The following STK3 variants were observed in gnomAD, a reference collection of about 807,000 sequenced individuals.
The protein encoded by STK3 is serine/threonine kinase 3.
Under a neutral mutation model 58.0 loss-of-function variants are expected in STK3, and 41 were observed. The ratio of observed to expected loss-of-function variants is 0.71; its 90% confidence interval spans 0.55 to 0.92. The LOEUF (loss-of-function observed/expected upper bound fraction) is 0.92. Ranked by LOEUF, STK3 falls within the 40% of genes least tolerant of loss-of-function variation. The pLI is 0.00. For synonymous variants in STK3, 170 were observed against 191.0 expected (o/e 0.89, Z 0.91); for missense variants, 479 against 602.7 (o/e 0.79, Z 2.15).
chr8:98,373,464 CAT>C (rs1401437626), intron 2 of STK3, among the ~76,000 whole-genome samples: 1 of 152,192 alleles, frequency 6.6e-6, no homozygotes, highest in African/African-American at 2.4e-5. Context: ...GTCTATTGAA[CAT>C]GTGTGTGCTG....
intron 1 of STK3, among the ~76,000 whole-genome samples, chr8:98,793,361 AC>A (rs774248583): frequency 3.3e-5 from 5 of 152,000 alleles, no homozygotes; most frequent in Non-Finnish European, 7.4e-5. Flanking sequence ...AAATGGAGAA[AC>A]CCCATCTCTA....
At chr8:98,900,046 A>C (rs1008674779) in intron 1 of STK3, among the ~76,000 whole-genome samples, 3 of 152,192 alleles carry the variant, frequency 2.0e-5, no homozygotes, top group Admixed American at 6.5e-5. Flanking sequence ...CCTGCTGGCC[A>C]CAGACTGGTT....
chr8:98,358,619 A>T, the STK3 span, among the ~76,000 whole-genome samples: 17 of 152,110 alleles, frequency 1.1e-4, no homozygotes, highest in African/African-American at 3.9e-4. Context: ...CCAGGGACCC[A>T]GGGCAGGCTC....
intron 4 of STK3, among the ~76,000 whole-genome samples, chr8:98,726,713 T>C (rs1827821951): frequency 1.3e-5 from 2 of 152,156 alleles, no homozygotes; most frequent in Non-Finnish European, 2.9e-5. Flanking sequence ...GATCAAGCCA[T>C]CCTGGACTAA....
intron 7 of STK3, among the ~76,000 whole-genome samples, chr8:98,593,905 A>T (rs1318211162): frequency 6.6e-6 from 1 of 152,156 alleles, no homozygotes; most frequent in African/African-American, 2.4e-5. Context: ...CCAAAAAAAA[A>T]TTTAAATCAG....
chr8:98,608,770 T>C (rs1816956319), intron 6 of STK3, among the ~76,000 whole-genome samples: 1 of 152,158 alleles, frequency 6.6e-6, no homozygotes, highest in African/African-American at 2.4e-5. Flanking sequence ...CTTGATGCAG[T>C]AGTCAATAAG....
chr8:98,909,387 G>A (rs1393260735), intron 1 of STK3, among the ~76,000 whole-genome samples: 1 of 152,084 alleles, frequency 6.6e-6, no homozygotes, highest in Non-Finnish European at 1.5e-5. Context: ...CAAACGTAAA[G>A]TGTACAATCC....
intron 10 of STK3, among the ~76,000 whole-genome samples, chr8:98,472,774 T>C (rs895800934): frequency 6.6e-6 from 1 of 152,094 alleles, no homozygotes; most frequent in East Asian, 1.9e-4. Flanking sequence ...AAATTTTACT[T>C]TATTTTATTT....
chr8:98,558,306 A>G (rs111898025), intron 8 of STK3, among the ~76,000 whole-genome samples: 4,513 of 152,218 alleles, frequency 0.03, 88 homozygotes, highest in Non-Finnish European at 0.042. Context: ...ACATTAACTA[A>G]CATACCATCA....
chr8:98,769,274 T>G (rs111775004), intron 2 of STK3, among the ~76,000 whole-genome samples: 4 of 152,240 alleles, frequency 2.6e-5, no homozygotes, highest in Non-Finnish European at 5.9e-5. Flanking sequence ...TCTCATCTTG[T>G]AGCTCCCATA....
chr8:98,911,125 T>C (rs1363819131), intron 1 of STK3, among the ~76,000 whole-genome samples: 1 of 152,264 alleles, frequency 6.6e-6, no homozygotes, highest in Non-Finnish European at 1.5e-5. Flanking sequence ...CTGTTCATTT[T>C]TTGTAGTTTG....
At chr8:98,404,574 GGAGGCT>G (rs1817975250) in intron 3 of STK3, among the ~76,000 whole-genome samples, 1 of 151,802 alleles carries the variant, frequency 6.6e-6, no homozygotes, top group Admixed American at 6.6e-5. Flanking sequence ...CAGCTACTCG[GGAGGCT>G]GAGGCAGGAG....
At chr8:98,373,129 C>G (rs1475708260) in intron 2 of STK3, among the ~76,000 whole-genome samples, 1 of 152,188 alleles carries the variant, frequency 6.6e-6, no homozygotes, top group African/African-American at 2.4e-5. Flanking sequence ...TATTTGAGAA[C>G]AGCCCCTCCC....
chr8:98,884,467 T>G (rs1199814269), intron 1 of STK3, among the ~76,000 whole-genome samples: 5 of 152,236 alleles, frequency 3.3e-5, no homozygotes, highest in Admixed American at 6.5e-5. Context: ...AAGCATAATT[T>G]ATCAAGACTA....
intron 6 of STK3, among the ~76,000 whole-genome samples, chr8:98,656,529 T>C (rs1048572591): frequency 2.0e-5 from 3 of 152,134 alleles, no homozygotes; most frequent in Non-Finnish European, 2.9e-5. Context: ...ATTTATGTAC[T>C]CAAGAAAGGC....
the STK3 span, among the ~76,000 whole-genome samples, chr8:98,359,343 CT>C: frequency 9.5e-4 from 37 of 38,992 alleles, 1 homozygote; most frequent in South Asian, 0.024. Context: ...CCCATCTCAA[CT>C]AAAAAAAAAA....
intron 1 of STK3, among the ~76,000 whole-genome samples, chr8:98,916,016 A>G (rs1839334514): frequency 6.6e-6 from 1 of 152,070 alleles, no homozygotes; most frequent in African/African-American, 2.4e-5. Context: ...GCCTTTATTC[A>G]CTGTCTCAAA....
intron 1 of STK3, among the ~76,000 whole-genome samples, chr8:98,382,997 C>T (rs1404728870): frequency 2.6e-5 from 4 of 152,210 alleles, no homozygotes; most frequent in Non-Finnish European, 5.9e-5. Flanking sequence ...TGGGAACCTT[C>T]TCTGTGCCAC....
intron 10 of STK3, among the ~76,000 whole-genome samples, chr8:98,459,536 G>C (rs1819775997): frequency 6.6e-6 from 1 of 152,216 alleles, no homozygotes; most frequent in South Asian, 2.1e-4. Flanking sequence ...AAGTAATAAG[G>C]AGCCGAGACA....
Sources: allele counts gnomAD v4.1 joint callset (sites outside exome capture counted in the v4.1 genomes callset), GRCh38; gene constraint gnomAD v4.1.1; transcripts MANE v1.5; gene names NCBI Gene and HGNC (gene_info 2026-07-23, HGNC 2026-07-21).